Variants in DHRSX observed in about 807,000 individuals in gnomAD.
DHRSX encodes polyprenol dehydrogenase.
DHRSX carries 31 observed loss-of-function variants against 34.0 expected under a neutral mutation model. The ratio of observed to expected loss-of-function variants is 0.91; its 90% confidence interval spans 0.69 to 1.23. The LOEUF is 1.23. Ranked by LOEUF, DHRSX falls within the 50% of genes most tolerant of loss-of-function variation. The pLI, the probability that DHRSX is intolerant of heterozygous loss-of-function variation, is 0.00. For missense variants in DHRSX, 414 were observed against 428.1 expected, an observed-to-expected ratio of 0.97 and a Z score of 0.29; for synonymous variants, 201 against 183.8, an observed-to-expected ratio of 1.09 and a Z score of -0.76.
chrX:2,304,171 T>TGATGGATGGATGGATGGATGGATG (rs1183236164), intron 3 of DHRSX, among the ~76,000 whole-genome samples: 1 of 72,752 alleles, frequency 1.4e-5, no homozygotes, highest in South Asian at 5.0e-4. Context: ...ATGGATGAAC[T>TGATGGATGGATGGATGGATGGATG]GATGGATGGA....
chrX:2,357,700 TAAAAAAA>T (rs781233833), intron 3 of DHRSX, among the ~76,000 whole-genome samples: 1 of 125,164 alleles, frequency 8.0e-6, no homozygotes, highest in East Asian at 2.4e-4. Flanking sequence ...CTCAGGAAAT[TAAAAAAA>T]AAAAAAAAAA....
At chrX:2,436,286 T>A (rs774787950) in intron 1 of DHRSX, among the ~76,000 whole-genome samples, 42 of 151,880 alleles carry the variant, frequency 2.8e-4, no homozygotes, top group Admixed American at 9.2e-4. Context: ...TTTGAACTGC[T>A]GATCTTCCCA....
At chrX:2,347,548 G>C (rs1432328531) in intron 3 of DHRSX, among the ~76,000 whole-genome samples, 1 of 152,202 alleles carries the variant, frequency 6.6e-6, no homozygotes, top group Admixed American at 6.5e-5. Context: ...ACAAAAATTA[G>C]CCGTGCATGG....
intron 1 of DHRSX, among the ~76,000 whole-genome samples, chrX:2,430,656 C>T (rs189341724): frequency 4.9e-4 from 75 of 152,276 alleles, no homozygotes; most frequent in African/African-American, 1.8e-3. Flanking sequence ...TTTGACCCTT[C>T]ACACACAGTT....
intron 5 of DHRSX, among the ~76,000 whole-genome samples, chrX:2,245,729 G>A (rs111737224): frequency 0.42 from 60,966 of 146,504 alleles, 13,764 homozygotes; most frequent in Middle Eastern, 0.54. Flanking sequence ...AGGCCAAGGC[G>A]GGCGGATCAC....
intron 3 of DHRSX, among the ~76,000 whole-genome samples, chrX:2,343,718 T>G (rs1355754643): frequency 1.3e-5 from 2 of 152,236 alleles, no homozygotes; most frequent in African/African-American, 4.8e-5. Flanking sequence ...CAGGAGACTT[T>G]TTTTTGTCCA....
intron 3 of DHRSX, among the ~76,000 whole-genome samples, chrX:2,344,817 A>C (rs2042680810): frequency 6.8e-6 from 1 of 146,824 alleles, no homozygotes; most frequent in African/African-American, 2.5e-5. Flanking sequence ...TACCTATGTA[A>C]CAAACCTGCA....
intron 3 of DHRSX, among the ~76,000 whole-genome samples, chrX:2,351,895 T>C (rs977215122): frequency 9.8e-5 from 15 of 152,310 alleles, no homozygotes; most frequent in Admixed American, 8.5e-4. Context: ...AATTTTTGTA[T>C]TTTTAGTAGA....
chrX:2,390,451 T>A (rs1046971732), intron 3 of DHRSX, among the ~76,000 whole-genome samples: 2 of 150,136 alleles, frequency 1.3e-5, no homozygotes, highest in Non-Finnish European at 2.9e-5. Context: ...TTTTTTTTTT[T>A]TATAATTTTG....
At chrX:2,256,711 C>T (rs1356222110) in intron 5 of DHRSX, among the ~76,000 whole-genome samples, 2 of 151,704 alleles carry the variant, frequency 1.3e-5, no homozygotes, top group Non-Finnish European at 1.5e-5. Flanking sequence ...TTTTCCAAGC[C>T]AGTAAATCAA....
chrX:2,291,896 ATTTTTTT>A (rs928376249), intron 3 of DHRSX, among the ~76,000 whole-genome samples: 23 of 96,108 alleles, frequency 2.4e-4, no homozygotes, highest in Non-Finnish European at 2.1e-4. Flanking sequence ...GTATTTTTGT[ATTTTTTT>A]TTTTTTTTTT....
chrX:2,447,822 C>T (rs5982599), intron 1 of DHRSX, among the ~76,000 whole-genome samples: 44,757 of 123,248 alleles, frequency 0.36, 12,429 homozygotes, highest in African/African-American at 0.64. Flanking sequence ...TCTAAAAAAG[C>T]TGAATGCATA....
intron 4 of DHRSX, among the ~76,000 whole-genome samples, chrX:2,288,988 G>A (rs889426076): frequency 6.6e-6 from 1 of 152,012 alleles, no homozygotes; most frequent in Non-Finnish European, 1.5e-5. Context: ...ACGCTGGTTA[G>A]CCTGTGTCAA....
At chrX:2,394,332 G>C (rs1233477795) in intron 3 of DHRSX, among the ~76,000 whole-genome samples, 1 of 152,198 alleles carries the variant, frequency 6.6e-6, no homozygotes, top group Non-Finnish European at 1.5e-5. Flanking sequence ...AGCTGGGGCA[G>C]GAGGGAAATC....
At chrX:2,231,435 C>CT (rs1294215596) in intron 6 of DHRSX, among the ~76,000 whole-genome samples, 1 of 151,650 alleles carries the variant, frequency 6.6e-6, no homozygotes, top group African/African-American at 2.4e-5. Context: ...TCCTTTTTCT[C>CT]TTTTTCTCTC....
intron 3 of DHRSX, among the ~76,000 whole-genome samples, chrX:2,406,381 C>T (rs2043555904): frequency 6.6e-6 from 1 of 152,064 alleles, no homozygotes; most frequent in African/African-American, 2.4e-5. Context: ...GAGCTACTAT[C>T]TCACACCAGC....
At chrX:2,295,308 A>G in intron 3 of DHRSX, among the ~76,000 whole-genome samples, 1 of 152,204 alleles carries the variant, frequency 6.6e-6, no homozygotes, top group Admixed American at 6.5e-5. Context: ...CATCATTCTC[A>G]GCAAACTATC....
chrX:2,445,912 G>A (rs977073162), intron 1 of DHRSX, among the ~76,000 whole-genome samples: 1 of 151,088 alleles, frequency 6.6e-6, no homozygotes, highest in Non-Finnish European at 1.5e-5. Flanking sequence ...CTAAGAATGT[G>A]GCCAAGGGAC....
chrX:2,438,999 G>A (rs1387315826), intron 1 of DHRSX, among the ~76,000 whole-genome samples: 4 of 151,742 alleles, frequency 2.6e-5, no homozygotes, highest in African/African-American at 4.8e-5. Flanking sequence ...ACAAAAATTA[G>A]CCCAGCGTGG....
Sources: gnomAD v4.1 joint callset for allele counts (sites outside exome capture counted in the v4.1 genomes callset) on GRCh38, gnomAD v4.1.1 for gene constraint, MANE v1.5 for transcripts, NCBI Gene and HGNC (gene_info 2026-07-23, HGNC 2026-07-21) for gene names.